PSMD14: variants seen among roughly 807,000 people sequenced by gnomAD.
The protein encoded by PSMD14 is ubiquitin C-terminal hydrolase PSMD14.
A neutral mutation model predicts 41.2 loss-of-function variants in PSMD14; 7 were observed. The observed-to-expected ratio is 0.17, with a 90% CI of 0.10 to 0.32. The LOEUF is 0.32. PSMD14 is among the 10% of genes least tolerant of loss of function. The pLI is 1.00. For synonymous variants in PSMD14, 114 were observed against 122.3 expected (o/e 0.93, Z 0.45); for missense variants, 139 against 375.6 (o/e 0.37, Z 5.21).
At chr2:161,403,364 A>G (rs1428519332) in intron 10 of PSMD14, among the ~76,000 whole-genome samples, 1 of 152,120 alleles carries the variant, frequency 6.6e-6, no homozygotes, top group Non-Finnish European at 1.5e-5. Flanking sequence ...CAGAAAACAG[A>G]TGTGTGGTTG....
intron 3 of PSMD14, among the ~76,000 whole-genome samples, chr2:161,363,551 C>T (rs1446378542): frequency 6.6e-6 from 1 of 152,140 alleles, no homozygotes; most frequent in Non-Finnish European, 1.5e-5. Context: ...AAATTTTGTT[C>T]ATGATTCCTA....
intron 7 of PSMD14, among the ~76,000 whole-genome samples, chr2:161,373,962 G>A (rs1046014777): frequency 1.3e-5 from 2 of 151,570 alleles, no homozygotes; most frequent in African/African-American, 4.8e-5. Flanking sequence ...GATAGGCCCT[G>A]TTACCATTAC....
intron 7 of PSMD14, among the ~76,000 whole-genome samples, chr2:161,373,276 T>C (rs552187792): frequency 1.1e-4 from 16 of 151,904 alleles, no homozygotes; most frequent in Non-Finnish European, 1.9e-4. Flanking sequence ...CTGTCTACTT[T>C]TGTATGTTAG....
chr2:161,364,857 A>G (rs974182457), intron 3 of PSMD14, among the ~76,000 whole-genome samples: 4 of 152,120 alleles, frequency 2.6e-5, no homozygotes, highest in African/African-American at 7.2e-5. Flanking sequence ...TAATGCTAGC[A>G]CTTTGGGAGA....
intron 3 of PSMD14, among the ~76,000 whole-genome samples, chr2:161,328,953 A>C (rs1264968637): frequency 6.6e-6 from 1 of 152,198 alleles, no homozygotes; most frequent in East Asian, 1.9e-4. Context: ...GAGCCACCAA[A>C]TAAAGTCAGA....
chr2:161,321,442 T>A (rs189049888), intron 3 of PSMD14, among the ~76,000 whole-genome samples: 1 of 152,346 alleles, frequency 6.6e-6, no homozygotes, highest in East Asian at 1.9e-4. Flanking sequence ...TTTTTTTTTA[T>A]ATCAGTGTCC....
At chr2:161,408,801 T>C (rs752166405) in intron 10 of PSMD14, 36 bp from the exon 11 acceptor site, 14 of 1,520,688 alleles carry the variant, frequency 9.2e-6, no homozygotes, top group Admixed American at 1.8e-5. Flanking sequence ...AGAGGATTTA[T>C]AATTTTAAAC....
intron 3 of PSMD14, among the ~76,000 whole-genome samples, chr2:161,365,280 G>GTAA (rs1246827279): frequency 2.0e-5 from 3 of 152,172 alleles, no homozygotes; most frequent in Non-Finnish European, 4.4e-5. Flanking sequence ...CTCTCTCGAG[G>GTAA]TAACTCTAGT....
At chr2:161,316,813 G>C (rs1689152743) in intron 2 of PSMD14, among the ~76,000 whole-genome samples, 2 of 152,036 alleles carry the variant, frequency 1.3e-5, no homozygotes, top group Non-Finnish European at 2.9e-5. Context: ...TCTTTGCTGT[G>C]ATATCTAATT....
intron 5 of PSMD14, among the ~76,000 whole-genome samples, chr2:161,369,268 T>C (rs993770765): frequency 6.6e-6 from 1 of 152,082 alleles, no homozygotes; most frequent in Admixed American, 6.6e-5. Context: ...TATTTTCTAG[T>C]GTCATAGAAT....
At position 161,411,402 on chromosome 2, in the gene PSMD14, G is replaced by C. The variant is rs1353607969; in HGVS notation, c.*2G>C. 2 of 1,592,610 alleles carry C rather than the reference G, an allele frequency of 1.3e-6. No individual in the cohort carries two copies. Among genetic ancestry groups the C allele is most frequent in the Non-Finnish European group, 8.6e-7 (1 of 1,164,786 alleles). On this transcript the variant is annotated 3_prime_UTR_variant, in exon 12 of 12. Coordinates refer to ENST00000409682, the MANE Select transcript of PSMD14 (RefSeq NM_005805.6). Reference sequence around the variant, plus strand: ...TTGGATACTGTCGTATTTAAATAAAGCAACGAAAAACGCTATTAATGATGC... The same window carrying C: ...TTGGATACTGTCGTATTTAAATAAACCAACGAAAAACGCTATTAATGATGC...
At chr2:161,356,895 T>C (rs1297583998) in intron 3 of PSMD14, among the ~76,000 whole-genome samples, 2 of 151,872 alleles carry the variant, frequency 1.3e-5, no homozygotes, top group Non-Finnish European at 2.9e-5. Flanking sequence ...AGTGACACTT[T>C]AGTTCATGTT....
intron 1 of PSMD14, among the ~76,000 whole-genome samples, chr2:161,314,115 C>A (rs1689122549): frequency 6.6e-6 from 1 of 152,144 alleles, no homozygotes; most frequent in Admixed American, 6.5e-5. Context: ...TTATAGGCAC[C>A]ATTTAGAATT....
At chr2:161,378,323 T>A (rs1397939887) in intron 7 of PSMD14, among the ~76,000 whole-genome samples, 2 of 151,940 alleles carry the variant, frequency 1.3e-5, no homozygotes, top group Non-Finnish European at 2.9e-5. Context: ...GTTTAGCATG[T>A]CACAAAAAAG....
chr2:161,315,486 A>G (rs1689137010), intron 1 of PSMD14, among the ~76,000 whole-genome samples: 1 of 152,236 alleles, frequency 6.6e-6, no homozygotes, highest in African/African-American at 2.4e-5. Flanking sequence ...AAACTGAAAA[A>G]AAGACTACAG....
chr2:161,329,735 A>G (rs1682757799), intron 3 of PSMD14, among the ~76,000 whole-genome samples: 1 of 152,134 alleles, frequency 6.6e-6, no homozygotes, highest in South Asian at 2.1e-4. Context: ...TGAGGTTATA[A>G]TTTTATTAAA....
intron 1 of PSMD14, among the ~76,000 whole-genome samples, chr2:161,314,431 A>C (rs976127620): frequency 6.6e-6 from 1 of 152,252 alleles, no homozygotes; most frequent in Non-Finnish European, 1.5e-5. Flanking sequence ...TAAAGTGAAC[A>C]GTTTAGTATC....
At chr2:161,355,026 T>C (rs1683176724) in intron 3 of PSMD14, among the ~76,000 whole-genome samples, 1 of 152,218 alleles carries the variant, frequency 6.6e-6, no homozygotes, top group African/African-American at 2.4e-5. Context: ...GTTAAATAAT[T>C]AGAAAATTTC....
At chr2:161,364,664 G>A (rs1388158804) in intron 3 of PSMD14, among the ~76,000 whole-genome samples, 12 of 152,160 alleles carry the variant, frequency 7.9e-5, no homozygotes, top group Admixed American at 7.9e-4. Context: ...GTCACTGCTG[G>A]CTGAGGTCTT....
Sources: allele counts gnomAD v4.1 joint callset (sites outside exome capture counted in the v4.1 genomes callset), GRCh38; gene constraint gnomAD v4.1.1; transcripts MANE v1.5; gene names NCBI Gene and HGNC (gene_info 2026-07-23, HGNC 2026-07-21).